DLGAP2: variants seen among roughly 807,000 people sequenced by gnomAD.
DLGAP2 encodes the protein disks large-associated protein 2.
A neutral mutation model predicts 100.3 loss-of-function variants in DLGAP2; 26 were observed. The observed-to-expected ratio is 0.26, with a 90% CI of 0.19 to 0.36. DLGAP2 has a LOEUF of 0.36. Among genes scored for constraint, DLGAP2 ranks in the 10% least tolerant of loss-of-function variants. DLGAP2 has a pLI of 1.00. For synonymous variants in DLGAP2, 886 were observed against 630.1 expected, an observed-to-expected ratio of 1.41 and a Z score of -6.08; for missense variants, 1,858 against 1,453.2, an observed-to-expected ratio of 1.28 and a Z score of -4.53.
At chr8:792,905 C>G (rs1245451060) in intron 1 of DLGAP2, among the ~76,000 whole-genome samples, 1 of 152,202 alleles carries the variant, frequency 6.6e-6, no homozygotes, top group Non-Finnish European at 1.5e-5. Flanking sequence ...TGTGTTTTCA[C>G]TTCCCACGCA....
At chr8:1,352,328 G>T (rs1307428310) in intron 3 of DLGAP2, among the ~76,000 whole-genome samples, 1 of 151,846 alleles carries the variant, frequency 6.6e-6, no homozygotes, top group Admixed American at 6.6e-5. Flanking sequence ...TCCTGAGTGT[G>T]TGTGGAAAGG....
intron 8 of DLGAP2, among the ~76,000 whole-genome samples, chr8:1,639,520 C>G (rs1797846802): frequency 6.6e-6 from 1 of 152,228 alleles, no homozygotes. Flanking sequence ...TGCACAAATT[C>G]AGCACAGCGG....
chr8:1,410,572 A>G (rs1164829677), intron 3 of DLGAP2, among the ~76,000 whole-genome samples: 1 of 152,240 alleles, frequency 6.6e-6, no homozygotes, highest in East Asian at 1.9e-4. Context: ...AAAAGCATCA[A>G]GTCAGCTCCC....
chr8:831,914 G>C (rs1796791732), intron 1 of DLGAP2, among the ~76,000 whole-genome samples: 2 of 152,038 alleles, frequency 1.3e-5, no homozygotes, highest in South Asian at 4.2e-4. Flanking sequence ...ATGCTGACTG[G>C]CGTGAGATGG....
At chr8:1,507,302 G>C (rs1042901506) in intron 4 of DLGAP2, among the ~76,000 whole-genome samples, 2 of 152,126 alleles carry the variant, frequency 1.3e-5, no homozygotes, top group African/African-American at 2.4e-5. Context: ...CCTGTCCCAC[G>C]GGGAGGCAGC....
chr8:913,671 A>C (rs930161495), intron 2 of DLGAP2, among the ~76,000 whole-genome samples: 2 of 152,234 alleles, frequency 1.3e-5, no homozygotes, highest in Admixed American at 6.5e-5. Context: ...GAGATAGAAA[A>C]TGTGTGTGCA....
chr8:980,618 CAG>C (rs1377898328), intron 2 of DLGAP2, among the ~76,000 whole-genome samples: 1 of 152,170 alleles, frequency 6.6e-6, no homozygotes, highest in Admixed American at 6.5e-5. Flanking sequence ...TCTGTTGACA[CAG>C]AGGTGAATCC....
intron 6 of DLGAP2, among the ~76,000 whole-genome samples, chr8:1,603,392 T>C (rs1010738902): frequency 8.0e-5 from 12 of 150,324 alleles, no homozygotes; most frequent in African/African-American, 3.0e-4. Flanking sequence ...GTCTCAGTTC[T>C]GTAGAGGCTG....
chr8:946,848 C>T (rs898700830), intron 2 of DLGAP2, among the ~76,000 whole-genome samples: 1 of 152,216 alleles, frequency 6.6e-6, no homozygotes, highest in African/African-American at 2.4e-5. Flanking sequence ...CAGCAGCTCC[C>T]CCGTCCCTGA....
chr8:1,051,625 G>T (rs1191028690), intron 2 of DLGAP2, among the ~76,000 whole-genome samples: 2 of 152,102 alleles, frequency 1.3e-5, no homozygotes, highest in Non-Finnish European at 2.9e-5. Flanking sequence ...CATTTTCTGG[G>T]GTCTTAAATG....
intron 2 of DLGAP2, among the ~76,000 whole-genome samples, chr8:1,181,327 C>G (rs1487739028): frequency 6.6e-6 from 1 of 152,208 alleles, no homozygotes; most frequent in East Asian, 1.9e-4. Flanking sequence ...AAAATTAAAG[C>G]TTGAGTGCAC....
chr8:1,235,229 ATGTCTAGTTCTCTCACACATGGCG>A (rs1798623322), intron 2 of DLGAP2, among the ~76,000 whole-genome samples: 1 of 91,580 alleles, frequency 1.1e-5, no homozygotes, highest in African/African-American at 5.8e-5. Flanking sequence ...CACACATGGC[ATGTCTAGTTCTCTCACACATGGCG>A]TCGTGTCTAG....
intron 2 of DLGAP2, among the ~76,000 whole-genome samples, chr8:1,082,653 G>T (rs1442160732): frequency 6.6e-6 from 1 of 152,352 alleles, no homozygotes; most frequent in Non-Finnish European, 1.5e-5. Context: ...AGAAAGATGA[G>T]AAGGGCTTAT....
rs189971236 is a variant in DLGAP2 at position 1,459,793 on chromosome 8, A to G, written c.107-41573A>G. On this transcript the variant is annotated intron_variant, in intron 3 of 14. Transcript: ENST00000637795. ...CTCTGCCTCCCAGGTTCAAGCAATT[A>G]TCCTGTGTCAGCCTCCCGAGTAGCG... 6.1e-5 allele frequency among the ~76,000 whole-genome samples: 9 copies of G among 147,002 alleles called. No homozygotes were observed. In the East Asian group the frequency reaches 1.8e-3, roughly 30 times the overall value.
chr8:1,509,692 G>T (rs901060580), intron 4 of DLGAP2, among the ~76,000 whole-genome samples: 1 of 152,026 alleles, frequency 6.6e-6, no homozygotes, highest in Non-Finnish European at 1.5e-5. Context: ...CTCATTCTTT[G>T]TTTGTTAACA....
intron 4 of DLGAP2, among the ~76,000 whole-genome samples, chr8:1,535,646 C>T (rs1397848669): frequency 1.3e-5 from 2 of 152,230 alleles, no homozygotes; most frequent in East Asian, 1.9e-4. Context: ...AGGCATACTT[C>T]GTGTGCTATT....
intron 2 of DLGAP2, among the ~76,000 whole-genome samples, chr8:949,204 G>A (rs1446595066): frequency 2.0e-5 from 3 of 152,240 alleles, no homozygotes; most frequent in African/African-American, 7.2e-5. Context: ...GATCAGGGAT[G>A]CATCAAGGGT....
Position 1,241,013 on chromosome 8 carries a change from A to G in DLGAP2, c.74-17838A>G, listed in dbSNP as rs78001288. Among the ~76,000 whole-genome samples, 3 of 5,172 alleles carry G rather than the reference A, an allele frequency of 5.8e-4. 1 individual carries two copies. Among genetic ancestry groups the G allele is most frequent in the African/African-American group, 2.4e-3 (2 of 850 alleles). The allele number at this position is 5,172 out of a possible 152,430, so 3.4% of individuals were successfully genotyped here. ...ATGGTGCTGTGTCTAGTTCTCTCTC[A>G]CACATAGCGTCATGTATAGTTCTGT... On this transcript the variant is annotated intron_variant, in intron 2 of 14. Transcript: ENST00000637795.
intron 2 of DLGAP2, among the ~76,000 whole-genome samples, chr8:944,130 T>G (rs1401249437): frequency 1.3e-5 from 2 of 152,274 alleles, no homozygotes; most frequent in Non-Finnish European, 2.9e-5. Flanking sequence ...AGAAAATATT[T>G]TGCTGCTGAT....
Sources: allele counts gnomAD v4.1 joint callset (sites outside exome capture counted in the v4.1 genomes callset), GRCh38; gene constraint gnomAD v4.1.1; transcripts MANE v1.5; gene names NCBI Gene and HGNC (gene_info 2026-07-23, HGNC 2026-07-21).